The following DOT1L variants were observed in gnomAD, a reference collection of about 807,000 sequenced individuals.
The protein encoded by DOT1L is histone-lysine N-methyltransferase, H3 lysine-79 specific.
In DOT1L, 33 loss-of-function variants were observed where a neutral mutation model predicts 153.3. The observed-to-expected ratio is 0.22, with a 90% CI of 0.16 to 0.29. The LOEUF is 0.29. Ranked by LOEUF, DOT1L falls within the 10% of genes least tolerant of loss-of-function variation. The pLI is 1.00. For synonymous variants in DOT1L, 1,135 were observed against 965.1 expected (o/e 1.18, Z -3.26); for missense variants, 1,847 against 2,119.9 (o/e 0.87, Z 2.53).
intron 1 of DOT1L, among the ~76,000 whole-genome samples, chr19:2,178,513 G>A (rs1419899105): frequency 6.6e-6 from 1 of 151,290 alleles, no homozygotes; most frequent in East Asian, 1.9e-4. Context: ...CGCTTCCCGG[G>A]TTCACGCCAT....
chr19:2,229,017 A>T (rs2024486902), intron 27 of DOT1L: 1 of 985,290 alleles, frequency 1.0e-6, no homozygotes, highest in Non-Finnish European at 1.2e-6. Context: ...CTTGCTGGAC[A>T]CGGCTGATGG....
Position 2,210,801 on chromosome 19 carries a change from C to G in DOT1L, c.1297C>G (p.Leu433Val), listed in dbSNP as rs200673569. Residue 433 changes from leucine to valine, a missense_variant, in exon 14 of 28, where the codon CTG becomes GTG. This residue lies in a region of DOT1L where 205 missense variants were observed against 203.1 expected (regional missense o/e 1.01). Coordinates refer to ENST00000398665, the MANE Select transcript of DOT1L (RefSeq NM_032482.3). ...ERKPKKNQTA[L>V]DALHAQTVSQ... is the part of the protein sequence containing the mutation. ...GAAGCCCAAGAAGAACCAAACTGCA[C>G]TGGATGCCCTGCACGCTCAGACCGT... 6.2e-6 allele frequency: 10 copies of G among 1,612,946 alleles called. No homozygotes were observed. The highest frequency in any genetic ancestry group is 8.5e-6 in the Non-Finnish European group (10 of 1,179,996).
intron 27 of DOT1L, chr19:2,228,428 G>GTC: frequency 8.1e-7 from 1 of 1,239,078 alleles, no homozygotes; most frequent in Non-Finnish European, 1.0e-6. Context: ...ACACTGAACT[G>GTC]TCCTTCCTTT....
Position 2,230,101 on chromosome 19 carries a change from A to C in DOT1L, c.*309A>C. On this transcript the variant is annotated 3_prime_UTR_variant, in exon 28 of 28. Transcript: ENST00000398665. ...ATAAATATCTATATATGAGAGCTCT[A>C]TATAAAGACACGTGTCTGCAGGGCG... 2 of 554,108 alleles carry C rather than the reference A, an allele frequency of 3.6e-6. No homozygotes were observed. The highest frequency in any genetic ancestry group is 6.3e-6 in the Non-Finnish European group (2 of 317,190). The allele number at this position is 554,108 out of a possible 1,614,324, so 34.3% of individuals were successfully genotyped here.
chr19:2,194,661 A>ATGTTGGCACATAGC (rs2022943428), intron 7 of DOT1L, 84 bp downstream of exon 7: 1 of 1,139,138 alleles, frequency 8.8e-7, no homozygotes, highest in East Asian at 2.5e-5. Flanking sequence ...TTTCTTGCCG[A>ATGTTGGCACATAGC]TGTTGGCACA....
intron 3 of DOT1L, 66 bp from the exon 4 acceptor site, chr19:2,189,666 T>G: frequency 1.9e-6 from 3 of 1,569,622 alleles, no homozygotes; most frequent in Non-Finnish European, 2.6e-6. Context: ...ATCCACATGC[T>G]GTCCCCTCCC....
chr19:2,191,170 C>T lies in DOT1L; in HGVS notation c.423C>T (p.Phe141=), dbSNP rs563794467. Residue 141 remains phenylalanine, a synonymous_variant, in exon 5 of 28, where the codon TTC becomes TTT. Transcript: ENST00000398665. The surrounding 1 kb of genome is among the most constrained non-coding windows in gnomAD (Gnocchi z 6.8). ...FSPEVYGETS[F]DLVAQMIDEI... ...CCGAGGTGTACGGGGAGACCTCCTT[C>T]GACCTGGTGGCCCAGATGATTGATG... The T allele has an allele frequency of 9.9e-6, 16 of 1,613,684 alleles. No homozygotes were observed. Among genetic ancestry groups the T allele is most frequent in the Middle Eastern group, 1.6e-4 (1 of 6,084 alleles).
chr19:2,221,830 A>AG, intron 23 of DOT1L, 146 bp from the exon 24 acceptor site: 1 of 825,244 alleles, frequency 1.2e-6, no homozygotes, highest in South Asian at 1.8e-5. Flanking sequence ...TCCACCCCAG[A>AG]GGGGCCGTTT....
In DOT1L at chr19:2,230,641, T is replaced by TG; in HGVS notation, c.*851dup. The TG allele has an allele frequency of 2.5e-6, 1 of 398,496 alleles. No individual in the cohort carries two copies. The highest frequency in any genetic ancestry group is 1.3e-4 in the South Asian group (1 of 7,820). 24.7% of individuals were successfully genotyped at this position (398,496 alleles called of 1,614,324 possible). Reference sequence around the variant, plus strand: ...TACAGGAGAGAGTCACACTAATGAGTGGCAGTATTTTATAGAGATGTGATG... The same window carrying TG: ...TACAGGAGAGAGTCACACTAATGAGTGGGCAGTATTTTATAGAGATGTGATG... On this transcript the variant is annotated 3_prime_UTR_variant, in exon 28 of 28. Transcript: ENST00000398665.
chr19:2,169,342 T>G (rs962518761), intron 1 of DOT1L, among the ~76,000 whole-genome samples: 1 of 152,072 alleles, frequency 6.6e-6, no homozygotes, highest in Non-Finnish European at 1.5e-5. Context: ...TCGCTTTAAA[T>G]AGGAAGGAAT....
chr19:2,189,388 G>T (rs1476304244), intron 3 of DOT1L, among the ~76,000 whole-genome samples: 3 of 152,190 alleles, frequency 2.0e-5, no homozygotes, highest in Non-Finnish European at 2.9e-5. Context: ...TTCCCACTTG[G>T]GGGGCTGGCC....
At position 2,220,184 on chromosome 19, in the gene DOT1L, A is replaced by T. The variant is rs773748547; in HGVS notation, c.2768A>T (p.His923Leu). 10 of 1,613,540 alleles carry T rather than the reference A, an allele frequency of 6.2e-6. No homozygotes were observed. The African/African-American group carries it at 9.3e-5, about 15-fold the overall frequency. Reference protein sequence around the residue: ...TLEKQIGANAHGAGSRSLALA... With the variant: ...TLEKQIGANALGAGSRSLALA... ...GAAAAGCAGATTGGTGCTAATGCCC[A>T]CGGTGCTGGGAGCAGAAGCCTTGCC... is the stretch of plus-strand genomic sequence containing the variant. Residue 923 changes from histidine (H) to leucine (L), a missense_variant, in exon 23 of 28, where the codon CAC becomes CTC. His to Leu is a moderately conservative substitution (Grantham distance 99). Coordinates refer to ENST00000398665, the MANE Select transcript of DOT1L (RefSeq NM_032482.3). This position sits in a 1 kb window ranked among gnomAD's most constrained non-coding sequence, Gnocchi z 4.5.
chr19:2,180,526 G>C (rs2022183027), intron 1 of DOT1L, among the ~76,000 whole-genome samples, 187 bp from the exon 2 acceptor site: 1 of 152,056 alleles, frequency 6.6e-6, no homozygotes, highest in Non-Finnish European at 1.5e-5. Context: ...GGCAAGGTCT[G>C]TGTTCCCTTC....
chr19:2,178,232 ATTTT>A (rs554757647), intron 1 of DOT1L, among the ~76,000 whole-genome samples: 1 of 124,994 alleles, frequency 8.0e-6, no homozygotes, highest in Non-Finnish European at 1.7e-5. Context: ...ATGCCTGGCC[ATTTT>A]TTTTTTTTTT....
At chr19:2,200,225 C>G (rs920919190) in intron 8 of DOT1L, among the ~76,000 whole-genome samples, 1 of 152,050 alleles carries the variant, frequency 6.6e-6, no homozygotes, top group Non-Finnish European at 1.5e-5. Context: ...GGGCCCCTCT[C>G]GCCTGGTTTC....
chr19:2,215,205 G>A (rs994220670), intron 19 of DOT1L, among the ~76,000 whole-genome samples: 14 of 152,246 alleles, frequency 9.2e-5, no homozygotes, highest in African/African-American at 3.1e-4. Flanking sequence ...GGTGGAGGCT[G>A]CAGCAAGCTG....
rs767545375 is a variant in DOT1L, at chr19:2,191,273, C to T, written c.493+33C>T. 8 of 1,601,284 alleles carry T rather than the reference C, an allele frequency of 5.0e-6. No individual in the cohort carries two copies. Among genetic ancestry groups the T allele is most frequent in the South Asian group, 1.1e-5 (1 of 90,816 alleles). On this transcript the variant is annotated intron_variant, in intron 5 of 27. Transcript: ENST00000398665. The surrounding 1 kb of genome is among the most constrained non-coding windows in gnomAD (Gnocchi z 6.8). ...TCGCCCGCCATGCCCGGCTCCTGTG[C>T]ACTTCCAGGCCACACGCTCTGTGCC...
intron 2 of DOT1L, among the ~76,000 whole-genome samples, chr19:2,183,880 C>T (rs1437706831): frequency 6.6e-6 from 1 of 152,152 alleles, no homozygotes; most frequent in Non-Finnish European, 1.5e-5. Context: ...CTGCCTCGGC[C>T]TCCCAAAGCA....
At chr19:2,165,500 G>A (rs1019715584) in intron 1 of DOT1L, among the ~76,000 whole-genome samples, 1 of 152,222 alleles carries the variant, frequency 6.6e-6, no homozygotes, top group African/African-American at 2.4e-5. Flanking sequence ...GCAGCTCCGG[G>A]TGTGCGCCTG....
Sources: gnomAD v4.1 joint callset for allele counts (sites outside exome capture counted in the v4.1 genomes callset) on GRCh38, gnomAD v4.1.1 for gene constraint, gnomAD v4.1.1 regional missense constraint, Gnocchi (gnomAD v3.1) non-coding constraint, MANE v1.5 for transcripts, NCBI Gene and HGNC (gene_info 2026-07-23, HGNC 2026-07-21) for gene names.